The following ANK2 variants were observed in gnomAD, a reference collection of about 807,000 sequenced individuals.
ANK2 encodes the protein ankyrin-2.
In ANK2, 83 loss-of-function variants were observed where a neutral mutation model predicts 360.5. The observed-to-expected ratio is 0.23, with a 90% CI of 0.19 to 0.28. ANK2 has a LOEUF of 0.28. Among genes scored for constraint, ANK2 ranks in the 10% least tolerant of loss-of-function variants. The pLI, the probability that ANK2 is intolerant of heterozygous loss-of-function variation, is 1.00. For missense variants in ANK2, 4,201 were observed against 4,795.7 expected (o/e 0.88, Z 3.66); for synonymous variants, 1,740 against 1,759.5 (o/e 0.99, Z 0.28).
At chr4:113,291,385 G>A (rs926109876) in intron 20 of ANK2, among the ~76,000 whole-genome samples, 2 of 152,146 alleles carry the variant, frequency 1.3e-5, no homozygotes, top group East Asian at 1.9e-4. Flanking sequence ...GGTTTCCTGG[G>A]GTCATCCCAT....
intron 4 of ANK2, among the ~76,000 whole-genome samples, chr4:113,206,902 T>C (rs2098957027): frequency 6.6e-6 from 1 of 152,126 alleles, no homozygotes; most frequent in South Asian, 2.1e-4. Flanking sequence ...TGGGTGCTTG[T>C]AACCCCAGCT....
Position 113,367,742 on chromosome 4 carries a change from G to C in ANK2, c.11209G>C (p.Ala3737Pro). The C allele has an allele frequency of 6.2e-7, 1 of 1,613,570 alleles. No individual in the cohort carries two copies. Among genetic ancestry groups the C allele is most frequent in the Non-Finnish European group, 8.5e-7 (1 of 1,179,852 alleles). Reference protein sequence around the residue: ...GVPKTEGDSSATALFPQTHKE... With the variant: ...GVPKTEGDSSPTALFPQTHKE... ...CCCCAAAACTGAGGGGGACAGCTCA[G>C]CAACAGCACTCTTTCCCCAAACTCA... The change falls in exon 42 of 46, where the codon GCA becomes CCA. Residue 3737 changes from alanine to proline, a missense_variant. Coordinates refer to ENST00000357077, the MANE Select transcript of ANK2 (RefSeq NM_001148.6).
intron 32 of ANK2, among the ~76,000 whole-genome samples, chr4:113,340,928 T>C (rs2094217676): frequency 1.3e-5 from 2 of 152,032 alleles, no homozygotes; most frequent in South Asian, 4.1e-4. Flanking sequence ...TATTTCCATC[T>C]AATGACCTCG....
the ANK2 span, among the ~76,000 whole-genome samples, chr4:112,723,654 GC>G: frequency 6.6e-6 from 1 of 151,956 alleles, no homozygotes; most frequent in African/African-American, 2.4e-5. Context: ...ACGAGCCACC[GC>G]CCCCGGCAAG....
At chr4:113,265,533 C>A (rs2055473582) in intron 14 of ANK2, among the ~76,000 whole-genome samples, 1 of 152,158 alleles carries the variant, frequency 6.6e-6, no homozygotes, top group Non-Finnish European at 1.5e-5. Context: ...TTCTGTATTT[C>A]CACAGTTCCA....
chr4:112,723,331 G>A, the ANK2 span, among the ~76,000 whole-genome samples: 1 of 152,134 alleles, frequency 6.6e-6, no homozygotes. Context: ...ATGGGTGCAA[G>A]CCACCACACC....
Position 112,844,252 on chromosome 4 carries a change from A to T in ANK2, c.-40+25988A>T, listed in dbSNP as rs1459917230. 1.8e-4 allele frequency among the ~76,000 whole-genome samples: 27 copies of T among 152,194 alleles called. 1 individual carries two copies. The highest frequency in any genetic ancestry group is 4.0e-4 in the Non-Finnish European group (27 of 68,022). ...GTGTGAAGAGGGCCTTAGCCTTCTC[A>T]CCTGGGTTCATGATTGGACTACCCT... On this transcript the variant is annotated intron_variant, in intron 1 of 30. Coordinates refer to the ANK2 transcript ENST00000503271.
intron 9 of ANK2, among the ~76,000 whole-genome samples, chr4:113,248,304 G>T (rs183147596): frequency 2.6e-5 from 4 of 152,070 alleles, no homozygotes; most frequent in African/African-American, 9.6e-5. Flanking sequence ...AATCCCAGGG[G>T]CTAGTAACAG....
intron 2 of ANK2, among the ~76,000 whole-genome samples, chr4:112,948,143 AGGTT>A (rs1230376888): frequency 6.6e-6 from 1 of 152,034 alleles, no homozygotes; most frequent in Non-Finnish European, 1.5e-5. Flanking sequence ...AAGTGTTTGT[AGGTT>A]GTGGGTAATT....
the ANK2 span, chr4:112,796,991 G>T: frequency 1.2e-5 from 2 of 161,352 alleles, no homozygotes; most frequent in African/African-American, 2.4e-5. Flanking sequence ...ATACCCTCAG[G>T]TTACTAAGAG....
intron 1 of ANK2, among the ~76,000 whole-genome samples, chr4:112,823,563 A>G (rs528234456): frequency 9.1e-6 from 1 of 109,816 alleles, no homozygotes; most frequent in South Asian, 3.5e-4. Context: ...TGTAACTAAG[A>G]GGAAATGCAA....
intron 24 of ANK2, among the ~76,000 whole-genome samples, chr4:113,315,819 C>A (rs1040597770): frequency 1.3e-5 from 2 of 148,524 alleles, no homozygotes. Flanking sequence ...GAATGGTGAA[C>A]CTGGGAGGCG....
chr4:113,253,293 GAATGTTAGAACCTCC>G (rs1207403003), intron 10 of ANK2, among the ~76,000 whole-genome samples: 1 of 152,126 alleles, frequency 6.6e-6, no homozygotes, highest in Admixed American at 6.6e-5. Flanking sequence ...TCAGGTCTCT[GAATGTTAGAACCTCC>G]AGAGCTCAGT....
chr4:113,237,057 A>G lies in ANK2; in HGVS notation c.554A>G (p.Asn185Ser). 6.2e-7 allele frequency: 1 copy of G among 1,614,188 alleles called. No individual in the cohort carries two copies. Among genetic ancestry groups the G allele is most frequent in the Non-Finnish European group, 8.5e-7 (1 of 1,180,024 alleles). The change falls in exon 6 of 46, where the codon AAT becomes AGT. Residue 185 changes from asparagine to serine, a missense_variant. Physicochemically the swap from Asn to Ser is conservative, Grantham distance 46. Coordinates refer to ENST00000357077, the MANE Select transcript of ANK2 (RefSeq NM_001148.6). ...HNQAVAILLE[N>S]DTKGKVRLPA... ...CAGGCGGTGGCCATCCTCTTGGAGA[A>G]TGACACCAAAGGGAAAGTGAGGCTG...
intron 31 of ANK2, among the ~76,000 whole-genome samples, chr4:113,337,526 G>A (rs998651184): frequency 6.6e-6 from 1 of 152,174 alleles, no homozygotes; most frequent in Admixed American, 6.5e-5. Flanking sequence ...ATTACATGGT[G>A]TTGGTATTCA....
At position 112,850,445 on chromosome 4, in the gene ANK2, CTTTT is replaced by C. The variant is rs548963656; in HGVS notation, c.-40+32196_-40+32199del. On this transcript the variant is annotated intron_variant, in intron 1 of 30. Coordinates refer to the ANK2 transcript ENST00000503271. ...AGGGTTTAAGAGTTGTTGTTCGTTT[CTTTT>C]TTTTTTTTTTTTTTCATAGTGCCTC... is the stretch of plus-strand genomic sequence containing the variant. 2.0e-4 allele frequency among the ~76,000 whole-genome samples: 15 copies of C among 74,236 alleles called. 1 individual carries two copies. Among genetic ancestry groups the C allele is most frequent in the Non-Finnish European group, 2.8e-4 (11 of 39,738 alleles). 48.7% of individuals were successfully genotyped at this position (74,236 alleles called of 152,430 possible).
chr4:113,038,817 G>T (rs1012931157), intron 2 of ANK2, among the ~76,000 whole-genome samples: 2 of 152,022 alleles, frequency 1.3e-5, no homozygotes, highest in African/African-American at 4.8e-5. Context: ...AGAATGAAAT[G>T]CCACATGGGA....
chr4:113,250,328 G>A lies in ANK2; in HGVS notation c.990+466G>A, dbSNP rs185460571. On this transcript the variant is annotated intron_variant, in intron 10 of 45. Transcript: ENST00000357077. ...TAATTACTCAACAGTGGCATTGGTT[G>A]ATTATGTTGAAGATTAGTAGAGGTG... 3.0e-3 allele frequency among the ~76,000 whole-genome samples: 460 copies of A among 152,318 alleles called. 1 individual carries two copies. The Middle Eastern group carries it at 0.031, about 10-fold the overall frequency.
intron 2 of ANK2, among the ~76,000 whole-genome samples, chr4:112,949,007 T>C (rs1185621622): frequency 6.6e-6 from 1 of 152,138 alleles, no homozygotes; most frequent in East Asian, 1.9e-4. Context: ...CCCCTGGGAT[T>C]TCTCCTATTA....
Sources: gnomAD v4.1 joint callset for allele counts (sites outside exome capture counted in the v4.1 genomes callset) on GRCh38, gnomAD v4.1.1 for gene constraint, MANE v1.5 for transcripts, NCBI Gene and HGNC (gene_info 2026-07-23, HGNC 2026-07-21) for gene names.